OR6N1: variants seen among roughly 807,000 people sequenced by gnomAD.
OR6N1 encodes olfactory receptor 6N1.
For missense variants in OR6N1, 394 were observed against 371.7 expected, an observed-to-expected ratio of 1.06 and a Z score of -0.49; for synonymous variants, 170 against 150.7, an observed-to-expected ratio of 1.13 and a Z score of -0.94.
At chr1:158,782,940 T>G in the OR6N1 span, among the ~76,000 whole-genome samples, 12 of 152,206 alleles carry the variant, frequency 7.9e-5, no homozygotes, top group African/African-American at 2.9e-4. Flanking sequence ...CAAAGTCTTG[T>G]ACATAGTAAG....
intron 1 of OR6N1, 115 bp downstream of exon 1, chr1:158,771,906 T>C (rs779851564): frequency 1.3e-5 from 2 of 152,226 alleles, no homozygotes; most frequent in Non-Finnish European, 2.9e-5. Context: ...AATTATGTGT[T>C]TTATGGACCC....
At chr1:158,836,880 TG>T in the OR6N1 span, among the ~76,000 whole-genome samples, 1 of 151,904 alleles carries the variant, frequency 6.6e-6, no homozygotes, top group African/African-American at 2.4e-5. Context: ...CCATATTCTT[TG>T]CATTTAATGA....
chr1:158,824,737 A>T, the OR6N1 span, among the ~76,000 whole-genome samples: 1 of 152,196 alleles, frequency 6.6e-6, no homozygotes, highest in Non-Finnish European at 1.5e-5. Flanking sequence ...TGTTCAATAA[A>T]TGGTACTGAG....
At chr1:158,814,537 TC>T in the OR6N1 span, among the ~76,000 whole-genome samples, 2 of 152,182 alleles carry the variant, frequency 1.3e-5, no homozygotes, top group Non-Finnish European at 2.9e-5. Context: ...AAGTAGAAGA[TC>T]AAGACATTGG....
the OR6N1 span, among the ~76,000 whole-genome samples, chr1:158,820,312 T>C: frequency 3.3e-5 from 5 of 152,232 alleles, no homozygotes; most frequent in African/African-American, 1.2e-4. Context: ...ATGGCCAGTT[T>C]GGGGGCCAGT....
the OR6N1 span, among the ~76,000 whole-genome samples, chr1:158,806,816 T>C: frequency 6.6e-6 from 1 of 151,990 alleles, no homozygotes; most frequent in African/African-American, 2.4e-5. Flanking sequence ...CTCTGCAAAT[T>C]CAGATCTTAC....
upstream of OR6N1, chr1:158,774,259 T>C (rs1657522596): frequency 1.3e-5 from 2 of 152,296 alleles, no homozygotes; most frequent in South Asian, 4.1e-4. Flanking sequence ...AAATATATGA[T>C]AAAATAGTGC....
chr1:158,833,462 C>T, the OR6N1 span, among the ~76,000 whole-genome samples: 10 of 152,312 alleles, frequency 6.6e-5, no homozygotes, highest in Admixed American at 6.5e-4. Context: ...AAAACTCTAA[C>T]CGTTAACCAA....
chr1:158,839,070 G>T, the OR6N1 span, among the ~76,000 whole-genome samples: 1 of 152,010 alleles, frequency 6.6e-6, no homozygotes, highest in Non-Finnish European at 1.5e-5. Flanking sequence ...AAGTCTGAGG[G>T]CTGTGTTTCT....
the OR6N1 span, among the ~76,000 whole-genome samples, chr1:158,830,305 C>G: frequency 1.3e-5 from 2 of 152,120 alleles, no homozygotes; most frequent in Admixed American, 6.5e-5. Context: ...ATTCTAGATC[C>G]TCTTGGTTTT....
chr1:158,788,988 T>A, the OR6N1 span, among the ~76,000 whole-genome samples: 2 of 152,174 alleles, frequency 1.3e-5, no homozygotes, highest in Admixed American at 1.3e-4. Context: ...ACAAAATATG[T>A]AATAAACTTT....
upstream of OR6N1, chr1:158,776,232 A>G (rs1007378404): frequency 1.1e-4 from 17 of 153,192 alleles, no homozygotes; most frequent in African/African-American, 3.8e-4. Context: ...GAGAGGAAGG[A>G]AAAGAAGTTT....
rs184375644 is a variant in OR6N1, at chr1:158,764,733, G to A, written c.*1011C>T. ...TTAGAATTATTTTTCACACGTTTCA[G>A]GAAATAATTAGCTTACAATTCAATA... On this transcript the variant is annotated 3_prime_UTR_variant, in exon 2 of 2. Transcript: ENST00000641846. 6.6e-6 allele frequency: 1 copy of A among 152,060 alleles called. No homozygotes were observed. The highest frequency in any genetic ancestry group is 2.4e-5 in the African/African-American group (1 of 41,516). 9.4% of individuals were successfully genotyped at this position (152,060 alleles called of 1,614,324 possible).
the OR6N1 span, among the ~76,000 whole-genome samples, chr1:158,778,124 G>A: frequency 6.6e-6 from 1 of 152,178 alleles, no homozygotes; most frequent in African/African-American, 2.4e-5. Context: ...TGAGATTAAT[G>A]TAGTAGCAAA....
At chr1:158,808,207 G>A in the OR6N1 span, among the ~76,000 whole-genome samples, 1 of 126,272 alleles carries the variant, frequency 7.9e-6, no homozygotes, top group African/African-American at 3.0e-5. Context: ...GTGCGATCTC[G>A]ACTCACTGCA....
the OR6N1 span, among the ~76,000 whole-genome samples, chr1:158,807,568 A>G: frequency 6.6e-6 from 1 of 152,166 alleles, no homozygotes; most frequent in Non-Finnish European, 1.5e-5. Flanking sequence ...CCATCAAACT[A>G]CATTTGGTCA....
At chr1:158,770,372 C>T (rs1228161043) in intron 1 of OR6N1, among the ~76,000 whole-genome samples, 2 of 152,148 alleles carry the variant, frequency 1.3e-5, no homozygotes, top group African/African-American at 4.8e-5. Flanking sequence ...CCCCAACTCC[C>T]TCATCTTCCA....
At chr1:158,810,718 C>T in the OR6N1 span, among the ~76,000 whole-genome samples, 5 of 152,168 alleles carry the variant, frequency 3.3e-5, no homozygotes, top group Non-Finnish European at 5.9e-5. Flanking sequence ...ACTCCAAAAA[C>T]GAGTTGAATG....
At chr1:158,789,690 T>C in the OR6N1 span, among the ~76,000 whole-genome samples, 24 of 152,346 alleles carry the variant, frequency 1.6e-4, no homozygotes, top group East Asian at 4.6e-3. Flanking sequence ...GATTATCTGT[T>C]TTCTTACTAT....
Sources: gnomAD v4.1 joint callset for allele counts (sites outside exome capture counted in the v4.1 genomes callset) on GRCh38, gnomAD v4.1.1 for gene constraint, MANE v1.5 for transcripts, NCBI Gene and HGNC (gene_info 2026-07-23, HGNC 2026-07-21) for gene names.